Variants in KIF5B observed in about 807,000 individuals in gnomAD.
KIF5B encodes the protein kinesin family member 5B.
KIF5B carries 49 observed loss-of-function variants against 132.8 expected under a neutral mutation model. The ratio of observed to expected loss-of-function variants is 0.37; its 90% CI spans 0.29 to 0.47. The LOEUF (loss-of-function observed/expected upper bound fraction) is 0.47. Among genes scored for constraint, KIF5B ranks in the 20% least tolerant of loss-of-function variants. The pLI is 1.00. For missense variants in KIF5B, 780 were observed against 1,144.0 expected (o/e 0.68, Z 4.59); for synonymous variants, 355 against 369.4 (o/e 0.96, Z 0.45).
chr10:32,017,549 C>A (rs1414896068), intron 23 of KIF5B, among the ~76,000 whole-genome samples, 190 bp from the exon 24 acceptor site: 1 of 152,210 alleles, frequency 6.6e-6, no homozygotes, highest in African/African-American at 2.4e-5. Context: ...AGTTTATTCA[C>A]AAAGGTATAA....
Position 32,022,156 on chromosome 10 carries a change from G to T in KIF5B, c.2016C>A (p.Val672=). The T allele has an allele frequency of 1.3e-6, 2 of 1,589,576 alleles. No homozygotes were observed. The highest frequency in any genetic ancestry group is 1.7e-6 in the Non-Finnish European group (2 of 1,159,710). The change falls in exon 17 of 26, where the codon GTC becomes GTA. Residue 672 remains valine (V), a synonymous_variant. Transcript: ENST00000302418. The part of the protein sequence containing the change: ...ESVDALSEEL[V]QLRAQEKVHE... ...AAGCTATACCTTGTGCTCGAAGCTG[G>T]ACTAGTTCTTCACTGAGGGCATCGA...
chr10:32,055,710 C>A (rs1564472798), intron 1 of KIF5B, 138 bp downstream of exon 1: 2 of 1,207,234 alleles, frequency 1.7e-6, no homozygotes, highest in South Asian at 3.0e-5. Flanking sequence ...ACTGGGTTAT[C>A]TGAACCGGCA....
chr10:32,030,133 T>C (rs1455692053), intron 14 of KIF5B, among the ~76,000 whole-genome samples: 2 of 152,244 alleles, frequency 1.3e-5, no homozygotes, highest in Non-Finnish European at 2.9e-5. Context: ...TCCATGATGA[T>C]GTTGAAACAT....
chr10:32,037,514 A>G lies in KIF5B; in HGVS notation c.586+6T>C. 2 of 1,606,016 alleles carry G rather than the reference A, an allele frequency of 1.2e-6. No individual in the cohort carries two copies. Among genetic ancestry groups the G allele is most frequent in the Non-Finnish European group, 1.7e-6 (2 of 1,172,694 alleles). On this transcript the variant is annotated splice_donor_region_variant and intron_variant, in intron 7 of 25. Coordinates refer to ENST00000302418, the MANE Select transcript of KIF5B (RefSeq NM_004521.3). ...TAAATCCTAACCAGTGTTATTTTCT[A>G]CTTACTTGTAACTGCTACATGTCTG...
Position 32,055,232 on chromosome 10 carries a change from T to C in KIF5B, c.126+616A>G, listed in dbSNP as rs576165389. Among the ~76,000 whole-genome samples the C allele has an allele frequency of 1.3e-3, 192 of 152,226 alleles. 1 individual carries two copies. Among genetic ancestry groups the C allele is most frequent in the African/African-American group, 4.5e-3 (186 of 41,544 alleles). On this transcript the variant is annotated intron_variant, in intron 1 of 25. Transcript: ENST00000302418. The stretch of plus-strand genomic sequence containing the variant: ...TCTTTCTACAATCATCGATTTGCCA[T>C]TTGTAGTTGTTAACATGAAAAGTCT...
intron 15 of KIF5B, among the ~76,000 whole-genome samples, chr10:32,023,944 C>T (rs1304305501): frequency 6.7e-6 from 1 of 149,108 alleles, no homozygotes; most frequent in African/African-American, 2.5e-5. Context: ...GGTTTGGTGA[C>T]AAGTTTTTAA....
intron 8 of KIF5B, 146 bp from the exon 9 acceptor site, chr10:32,036,140 C>T: frequency 2.0e-6 from 1 of 508,786 alleles, no homozygotes; most frequent in East Asian, 3.1e-5. Context: ...CCAAGCATAC[C>T]ACCATTTCTT....
chr10:32,031,614 T>C (rs1841403183), intron 13 of KIF5B, among the ~76,000 whole-genome samples: 1 of 152,046 alleles, frequency 6.6e-6, no homozygotes, highest in Non-Finnish European at 1.5e-5. Context: ...AGAGTATTCA[T>C]TCATGGAGAA....
chr10:32,054,062 A>AAAAGAATCATAGTGATAACTACAGATC (rs1841724770), intron 1 of KIF5B, among the ~76,000 whole-genome samples: 1 of 152,244 alleles, frequency 6.6e-6, no homozygotes, highest in African/African-American at 2.4e-5. Context: ...CATTCCAACA[A>AAAAGAATCATAGTGATAACTACAGATC]AAAGAATCAT....
intron 25 of KIF5B, among the ~76,000 whole-genome samples, chr10:32,015,035 T>G (rs1564461442): frequency 6.6e-6 from 1 of 151,886 alleles, no homozygotes; most frequent in East Asian, 1.9e-4. Flanking sequence ...GGCAGGGGTA[T>G]CGCTTGAACC....
intron 2 of KIF5B, among the ~76,000 whole-genome samples, chr10:32,040,923 G>C (rs1028942010): frequency 3.3e-5 from 5 of 151,416 alleles, no homozygotes; most frequent in African/African-American, 1.2e-4. Flanking sequence ...GGCAGGTGGA[G>C]GTTGCAGTGA....
chr10:32,034,722 C>A lies in KIF5B; in HGVS notation c.1079G>T (p.Trp360Leu). The stretch of plus-strand genomic sequence containing the variant: ...CCATCTGTTGAGCTCATTTTCAAGC[C>A]ACTGAATAGTGTTCCGCAGGATCTT... ...KNKILRNTIQ[W>L]LENELNRWRN... Residue 360 changes from tryptophan to leucine, a missense_variant, in exon 11 of 26, where the codon TGG (tryptophan) becomes TTG (leucine). Coordinates refer to ENST00000302418, the MANE Select transcript of KIF5B (RefSeq NM_004521.3). 6.2e-7 allele frequency: 1 copy of A among 1,600,464 alleles called. No homozygotes were observed.
chr10:32,022,293 CAT>C (rs779170047), intron 16 of KIF5B, 36 bp from the exon 17 acceptor site: 46 of 929,294 alleles, frequency 4.9e-5, no homozygotes, highest in Non-Finnish European at 6.5e-5. Context: ...AAGTGGAAAA[CAT>C]ATGCATACAC....
chr10:32,009,553 T>C lies in KIF5B; in HGVS notation c.*1984A>G, dbSNP rs1299689412. On this transcript the variant is annotated 3_prime_UTR_variant, in exon 26 of 26. Transcript: ENST00000302418. Reference sequence around the variant, plus strand: ...CAAGATACTTTTTAAAAACCTAACATTGTATATTCTGAACCACATGCTAAT... The same window carrying C: ...CAAGATACTTTTTAAAAACCTAACACTGTATATTCTGAACCACATGCTAAT... 6.6e-6 allele frequency: 1 copy of C among 152,136 alleles called. No individual in the cohort carries two copies. The allele number at this position is 152,136 out of a possible 1,614,324, so 9.4% of individuals were successfully genotyped here. A position where few individuals can be genotyped will look rare whatever the true frequency, so the allele number is the denominator to read the frequency against.
intron 2 of KIF5B, among the ~76,000 whole-genome samples, chr10:32,047,255 C>A (rs1217501288): frequency 1.3e-5 from 2 of 152,146 alleles, no homozygotes; most frequent in Non-Finnish European, 2.9e-5. Context: ...GATCTACAAC[C>A]CACTAATGTT....
Position 32,021,259 on chromosome 10 carries a change from G to C in KIF5B, c.2061C>G (p.His687Gln). 1 of 1,612,960 alleles carries C rather than the reference G, an allele frequency of 6.2e-7. No homozygotes were observed. The highest frequency in any genetic ancestry group is 8.5e-7 in the Non-Finnish European group (1 of 1,179,228). ...QEKVHEMEKE[H>Q]LNKVQTANEV... ...CATTTGCAGTCTGAACCTTATTTAA[G>C]TGCTCCTTTTCCATTTCATGGACTT... The change falls in exon 18 of 26, where the codon CAC becomes CAG. Residue 687 changes from histidine to glutamine, a missense_variant. Around this residue, in one of 9 missense-constraint regions of KIF5B, gnomAD observed 471 missense variants for 569.9 expected, o/e 0.83. Coordinates refer to ENST00000302418, the MANE Select transcript of KIF5B (RefSeq NM_004521.3).
intron 12 of KIF5B, among the ~76,000 whole-genome samples, chr10:32,033,545 T>C (rs1841426516): frequency 6.6e-6 from 1 of 152,088 alleles, no homozygotes; most frequent in Non-Finnish European, 1.5e-5. Flanking sequence ...ACGGAAAAAC[T>C]GTCTTCCCTG....
chr10:32,037,495 C>T (rs539453943), intron 7 of KIF5B, 25 bp downstream of exon 7: 1 of 1,592,102 alleles, frequency 6.3e-7, no homozygotes, highest in Admixed American at 1.7e-5. Context: ...GTTTTAAATC[C>T]TAACCAGTGT....
Position 32,040,417 on chromosome 10 carries a change from TC to T in KIF5B, c.254del (p.Gly85AspfsTer27). 6.2e-7 allele frequency: 1 copy of T among 1,601,228 alleles called. No individual in the cohort carries two copies. Among genetic ancestry groups the T allele is most frequent in the Non-Finnish European group, 8.6e-7 (1 of 1,168,376 alleles). On this transcript the variant is annotated frameshift_variant, in exon 3 of 26. Coordinates refer to ENST00000302418, the MANE Select transcript of KIF5B (RefSeq NM_004521.3). LOFTEE classifies it high-confidence loss of function. ...EGYNGTIFAY[G>X]QTSSGKTHTM... ...TGTGTGTCTTCCCAGAGGATGTTTGTCCATATGCAAATATTGTTCCATTATA... is the reference window on the plus strand; with the variant it reads ...TGTGTGTCTTCCCAGAGGATGTTTGTCATATGCAAATATTGTTCCATTATA...
Sources: allele counts gnomAD v4.1 joint callset (sites outside exome capture counted in the v4.1 genomes callset), GRCh38; gene constraint gnomAD v4.1.1; regional missense constraint gnomAD v4.1.1; transcripts MANE v1.5; gene names NCBI Gene and HGNC (gene_info 2026-07-23, HGNC 2026-07-21).